CHRNG: variants seen among roughly 807,000 people sequenced by gnomAD.
CHRNG encodes cholinergic receptor nicotinic gamma subunit, also known as acetylcholine receptor subunit gamma.
CHRNG carries 72 observed loss-of-function variants against 65.2 expected under a neutral mutation model. The observed-to-expected ratio is 1.10, with a 90% CI of 0.91 to 1.34. The LOEUF is 1.34. Ranked by LOEUF, CHRNG falls within the 40% of genes most tolerant of loss-of-function variation. CHRNG has a pLI of 0.00. For missense variants in CHRNG, 637 were observed against 680.1 expected (o/e 0.94, Z 0.70); for synonymous variants, 284 against 290.2 (o/e 0.98, Z 0.22).
intron 10 of CHRNG, 30 bp downstream of exon 10, chr2:232,544,610 GTCC>G: frequency 2.5e-6 from 4 of 1,590,994 alleles, no homozygotes; most frequent in Non-Finnish European, 3.4e-6. Context: ...CCTGGGGACA[GTCC>G]TCCCCTGGGA....
rs1047106177 is a variant in CHRNG at position 232,540,820 on chromosome 2, G to A, written c.350+109G>A. The A allele has an allele frequency of 4.2e-5, 42 of 997,506 alleles. No homozygotes were observed. The highest frequency in any genetic ancestry group is 4.2e-4 in the East Asian group (16 of 38,262). The allele number at this position is 997,506 out of a possible 1,614,324, so 61.8% of individuals were successfully genotyped here. A position where few individuals can be genotyped will look rare whatever the true frequency, so the allele number is the denominator to read the frequency against. On this transcript the variant is annotated intron_variant, in intron 4 of 11. Coordinates refer to ENST00000651502, the MANE Select transcript of CHRNG (RefSeq NM_005199.5). The surrounding 1 kb of genome is among the most constrained non-coding windows in gnomAD (Gnocchi z 4.2). The stretch of plus-strand genomic sequence containing the variant: ...GAAAGATGAGCAGAGGGTGCAAATC[G>A]GGCACCTGTGGGGCTAGGGAAGAAC...
chr2:232,540,380 G>A lies in CHRNG; in HGVS notation c.196-1G>A. On this transcript the variant is annotated splice_acceptor_variant, in intron 2 of 11. Transcript: ENST00000651502. LOFTEE classifies it high-confidence loss of function. The surrounding 1 kb of genome is among the most constrained non-coding windows in gnomAD (Gnocchi z 4.2). The stretch of plus-strand genomic sequence containing the variant: ...TCCATACTACACCCTTGCACCCCCA[G>A]AACGAGCGAGAGGAAGCCCTCACCA... The A allele has an allele frequency of 1.2e-6, 2 of 1,614,086 alleles. No homozygotes were observed. The highest frequency in any genetic ancestry group is 1.7e-6 in the Non-Finnish European group (2 of 1,179,980).
chr2:232,546,991 C>T lies in CHRNG; in HGVS notation c.*1275C>T, dbSNP rs1179549220. On this transcript the variant is annotated 3_prime_UTR_variant, in exon 12 of 12. Coordinates refer to ENST00000651502, the MANE Select transcript of CHRNG (RefSeq NM_005199.5). Reference sequence around the variant, plus strand: ...GGCTGGGGTCTTCCTGGGGGAGAGGCAAGGTCCTGCTCTGAGATTACAGCC... The same window carrying T: ...GGCTGGGGTCTTCCTGGGGGAGAGGTAAGGTCCTGCTCTGAGATTACAGCC... Among the ~76,000 whole-genome samples the T allele has an allele frequency of 6.6e-6, 1 of 152,038 alleles. No homozygotes were observed. The highest frequency in any genetic ancestry group is 1.5e-5 in the Non-Finnish European group (1 of 68,026).
At chr2:232,542,364 C>G in intron 5 of CHRNG, 59 bp from the exon 6 acceptor site, 1 of 1,105,698 alleles carries the variant, frequency 9.0e-7, no homozygotes, top group African/African-American at 1.5e-5. Context: ...AGGTCATCCC[C>G]ATGCAGTCGT....
intron 5 of CHRNG, among the ~76,000 whole-genome samples, chr2:232,542,162 A>C (rs1436741667): frequency 6.6e-6 from 1 of 152,066 alleles, no homozygotes; most frequent in African/African-American, 2.4e-5. Context: ...GGAGAGACAA[A>C]TGCAGAGTGA....
At chr2:232,539,875 G>A in intron 1 of CHRNG, 73 bp downstream of exon 1, 1 of 1,610,226 alleles carries the variant, frequency 6.2e-7, no homozygotes, top group African/African-American at 1.3e-5. Context: ...TGGAGGGTCT[G>A]AGGGGTATTG....
Position 232,540,387 on chromosome 2 carries a change from CGA to C in CHRNG, c.206_207del (p.Glu69GlyfsTer66). ...TLTNLISLNE[R>X]EEALTTNVWI... ...TACACCCTTGCACCCCCAGAACGAG[CGA>C]GAGGAAGCCCTCACCACCAATGTCT... On this transcript the variant is annotated frameshift_variant, in exon 3 of 12. Transcript: ENST00000651502. LOFTEE classifies it high-confidence loss of function. This position sits in a 1 kb window ranked among gnomAD's most constrained non-coding sequence, Gnocchi z 4.2. The C allele has an allele frequency of 6.2e-7, 1 of 1,614,048 alleles. No individual in the cohort carries two copies. The highest frequency in any genetic ancestry group is 8.5e-7 in the Non-Finnish European group (1 of 1,179,976).
chr2:232,540,170 C>T lies in CHRNG; in HGVS notation c.195+39C>T. ...CGGAGGAGGGGTCAGCGCACCACGC[C>T]CTGGGACCTGCTGGGGATAGCATGG... On this transcript the variant is annotated intron_variant, in intron 2 of 11. Transcript: ENST00000651502. This position sits in a 1 kb window ranked among gnomAD's most constrained non-coding sequence, Gnocchi z 4.2. 1 of 1,614,064 alleles carries T rather than the reference C, an allele frequency of 6.2e-7. No homozygotes were observed. Among genetic ancestry groups the T allele is most frequent in the Non-Finnish European group, 8.5e-7 (1 of 1,179,966 alleles).
chr2:232,541,529 A>G lies in CHRNG; in HGVS notation c.506A>G (p.Gln169Arg). ...TGGCAGAACTGCTCCCTTATCTTCC[A>G]GTGAGGCCATTTATTGGGGAGGATT... ...FDWQNCSLIFQSQTYSTNEID... is the reference protein window; with the variant it reads ...FDWQNCSLIFRSQTYSTNEID... The change falls in exon 5 of 12, where the codon CAG becomes CGG. Residue 169 changes from glutamine to arginine, a missense_variant and splice_region_variant. Gln to Arg is a conservative substitution (Grantham distance 43). Coordinates refer to ENST00000651502, the MANE Select transcript of CHRNG (RefSeq NM_005199.5). This position sits in a 1 kb window ranked among gnomAD's most constrained non-coding sequence, Gnocchi z 4.0. 1.2e-6 allele frequency: 2 copies of G among 1,613,586 alleles called. No homozygotes were observed. Among genetic ancestry groups the G allele is most frequent in the Non-Finnish European group, 1.7e-6 (2 of 1,179,942 alleles).
chr2:232,541,537 C>T lies in CHRNG; in HGVS notation c.506+8C>T. ...CTGCTCCCTTATCTTCCAGTGAGGCCATTTATTGGGGAGGATTAAGAGAGC... is the reference window on the plus strand; with the variant it reads ...CTGCTCCCTTATCTTCCAGTGAGGCTATTTATTGGGGAGGATTAAGAGAGC... On this transcript the variant is annotated splice_region_variant and intron_variant, in intron 5 of 11. Coordinates refer to ENST00000651502, the MANE Select transcript of CHRNG (RefSeq NM_005199.5). This position sits in a 1 kb window ranked among gnomAD's most constrained non-coding sequence, Gnocchi z 4.0. 6.2e-7 allele frequency: 1 copy of T among 1,613,246 alleles called. No individual in the cohort carries two copies. The highest frequency in any genetic ancestry group is 8.5e-7 in the Non-Finnish European group (1 of 1,179,930).
intron 9 of CHRNG, among the ~76,000 whole-genome samples, chr2:232,544,000 C>T (rs972248152): frequency 6.6e-5 from 10 of 152,208 alleles, no homozygotes; most frequent in Non-Finnish European, 1.5e-4. Flanking sequence ...ACTACAAAGT[C>T]GAAAAAGCAG....
Position 232,546,309 on chromosome 2 carries a change from T to C in CHRNG, c.*593T>C, listed in dbSNP as rs1033983635. The C allele has an allele frequency of 2.7e-5, 1 of 36,962 alleles. No individual in the cohort carries two copies. Among genetic ancestry groups the C allele is most frequent in the African/African-American group, 8.2e-5 (1 of 12,138 alleles). 2.3% of individuals were successfully genotyped at this position (36,962 alleles called of 1,614,324 possible). On this transcript the variant is annotated 3_prime_UTR_variant, in exon 12 of 12. Transcript: ENST00000651502. ...CGATTTCCTGAGTTTTGTAATCCTC[T>C]TTTTTTTTTTTTTTTTTTTAGTTTT...
Position 232,546,021 on chromosome 2 carries a change from T to G in CHRNG, c.*305T>G. ...CCTCACTTAGGCAAAGCATTATTCA[T>G]TCCCATCAGTCTGAAGCCCGAAGGA... On this transcript the variant is annotated 3_prime_UTR_variant, in exon 12 of 12. Transcript: ENST00000651502. 2.0e-6 allele frequency: 1 copy of G among 489,370 alleles called. No individual in the cohort carries two copies. The highest frequency in any genetic ancestry group is 3.8e-6 in the Non-Finnish European group (1 of 265,384). The allele number at this position is 489,370 out of a possible 1,614,324, so 30.3% of individuals were successfully genotyped here.
At position 232,547,935 on chromosome 2, in the gene CHRNG, G is replaced by A. The variant is rs1692159619; in HGVS notation, c.*2219G>A. The A allele has an allele frequency of 2.2e-6, 1 of 454,840 alleles. No homozygotes were observed. The highest frequency in any genetic ancestry group is 3.8e-6 in the Non-Finnish European group (1 of 261,154). The allele number at this position is 454,840 out of a possible 1,614,324, so 28.2% of individuals were successfully genotyped here. On this transcript the variant is annotated 3_prime_UTR_variant, in exon 12 of 12. Transcript: ENST00000651502. ...ATACCTCAAAGACATTGCAGGTTCA[G>A]TTCCAGACCAACACAAGAAAGCAAG...
At position 232,543,675 on chromosome 2, in the gene CHRNG, C is replaced by T. The variant is rs1436546483; in HGVS notation, c.1011C>T (p.His337=). The change falls in exon 9 of 12, where the codon CAC becomes CAT. Residue 337 remains histidine, a synonymous_variant. Coordinates refer to ENST00000651502, the MANE Select transcript of CHRNG (RefSeq NM_005199.5). Reference sequence around the variant, plus strand: ...TCTCCTTGCGGTCTCCACACACACACTCCATGGCCCGAGGGGTCCGCAAGG... The same window carrying T: ...TCTCCTTGCGGTCTCCACACACACATTCCATGGCCCGAGGGGTCCGCAAGG... ...LNVSLRSPHT[H]SMARGVRKVF... 8.7e-6 allele frequency: 14 copies of T among 1,612,626 alleles called. No individual in the cohort carries two copies. Among genetic ancestry groups the T allele is most frequent in the African/African-American group, 1.3e-5 (1 of 74,876 alleles).
intron 5 of CHRNG, among the ~76,000 whole-genome samples, chr2:232,542,044 T>C (rs1574644363): frequency 1.3e-5 from 2 of 152,126 alleles, no homozygotes; most frequent in South Asian, 4.1e-4. Flanking sequence ...AGTCTTTCCA[T>C]GAGCAAACCT....
At chr2:232,544,952 A>T (rs1228393450) in intron 11 of CHRNG, 50 bp downstream of exon 11, 10 of 1,611,618 alleles carry the variant, frequency 6.2e-6, no homozygotes, top group Non-Finnish European at 8.5e-6. Flanking sequence ...CTGGGCTTGG[A>T]ACCGTGATAG....
At position 232,539,784 on chromosome 2, in the gene CHRNG, C is replaced by T. The variant is rs762230262; in HGVS notation, c.37C>T (p.Leu13=). ...CCAGGGGCCGCTGCTCCTCCTGCTGCTGCTGGCTGTCTGCCTGGGTGGGAC... is the reference window on the plus strand; with the variant it reads ...CCAGGGGCCGCTGCTCCTCCTGCTGTTGCTGGCTGTCTGCCTGGGTGGGAC... ...GGQGPLLLLL[L]LAVCLGAQGR... Residue 13 remains leucine, a synonymous_variant, in exon 1 of 12, where the codon CTG becomes TTG. Transcript: ENST00000651502. 2 of 1,613,940 alleles carry T rather than the reference C, an allele frequency of 1.2e-6. No homozygotes were observed. The highest frequency in any genetic ancestry group is 1.1e-5 in the South Asian group (1 of 91,074).
At chr2:232,544,060 T>G (rs1327911228) in intron 9 of CHRNG, among the ~76,000 whole-genome samples, 1 of 152,192 alleles carries the variant, frequency 6.6e-6, no homozygotes, top group East Asian at 1.9e-4. Flanking sequence ...GTAGCCCACC[T>G]GCAGCCTTCA....
Sources: gnomAD v4.1 joint callset for allele counts (sites outside exome capture counted in the v4.1 genomes callset) on GRCh38, gnomAD v4.1.1 for gene constraint, Gnocchi (gnomAD v3.1) non-coding constraint, MANE v1.5 for transcripts, NCBI Gene and HGNC (gene_info 2026-07-23, HGNC 2026-07-21) for gene names.